The following KCNQ3 variants were observed in gnomAD, a reference collection of about 807,000 sequenced individuals.
The protein encoded by KCNQ3 is potassium voltage-gated channel subfamily KQT member 3.
A neutral mutation model predicts 92.5 loss-of-function variants in KCNQ3; 30 were observed. The ratio of observed to expected loss-of-function variants is 0.32; its 90% CI spans 0.24 to 0.44. KCNQ3 has a LOEUF of 0.44. KCNQ3 is among the 20% of genes least tolerant of loss of function. The pLI is 1.00. For missense variants in KCNQ3, 913 were observed against 1,140.3 expected (o/e 0.80, Z 2.87); for synonymous variants, 450 against 468.8 (o/e 0.96, Z 0.52).
At chr8:132,242,915 G>T (rs1255134412) in intron 1 of KCNQ3, among the ~76,000 whole-genome samples, 1 of 152,182 alleles carries the variant, frequency 6.6e-6, no homozygotes, top group Non-Finnish European at 1.5e-5. Flanking sequence ...GAATAAGGAG[G>T]TAGCTCTGGG....
chr8:132,225,147 T>C (rs934099706), intron 1 of KCNQ3, among the ~76,000 whole-genome samples: 1 of 152,234 alleles, frequency 6.6e-6, no homozygotes, highest in African/African-American at 2.4e-5. Context: ...CTGCACTCTG[T>C]TGGCAGAATA....
At chr8:132,425,441 TG>T (rs1821084569) in intron 1 of KCNQ3, among the ~76,000 whole-genome samples, 2 of 152,194 alleles carry the variant, frequency 1.3e-5, no homozygotes, top group South Asian at 4.1e-4. Context: ...GAGAGGATCT[TG>T]TGAGATAAAG....
intron 1 of KCNQ3, among the ~76,000 whole-genome samples, chr8:132,215,506 C>T (rs1359871301): frequency 1.3e-5 from 2 of 152,202 alleles, no homozygotes; most frequent in Non-Finnish European, 2.9e-5. Flanking sequence ...GAAATGTGTT[C>T]TAAAACCTTG....
chr8:132,407,097 GCA>G (rs1820505084), intron 1 of KCNQ3, among the ~76,000 whole-genome samples: 1 of 152,142 alleles, frequency 6.6e-6, no homozygotes, highest in Non-Finnish European at 1.5e-5. Context: ...AGACATTCCT[GCA>G]CAGACAGGCA....
intron 7 of KCNQ3, among the ~76,000 whole-genome samples, chr8:132,171,957 G>C (rs1422923992): frequency 6.6e-6 from 1 of 151,736 alleles, no homozygotes; most frequent in African/African-American, 2.4e-5. Flanking sequence ...GGAGTTTGAG[G>C]CCAGCCTGGG....
At chr8:132,264,073 A>G (rs1815893754) in intron 1 of KCNQ3, among the ~76,000 whole-genome samples, 1 of 152,212 alleles carries the variant, frequency 6.6e-6, no homozygotes, top group African/African-American at 2.4e-5. Flanking sequence ...ACACTGAGGT[A>G]CAGTCCAGTG....
chr8:132,330,004 G>C (rs1261207100), intron 1 of KCNQ3, among the ~76,000 whole-genome samples: 1 of 152,176 alleles, frequency 6.6e-6, no homozygotes, highest in Non-Finnish European at 1.5e-5. Context: ...TTTGGAAAAG[G>C]GTCTTTGCAG....
At chr8:132,243,557 C>T (rs1417595257) in intron 1 of KCNQ3, among the ~76,000 whole-genome samples, 1 of 152,092 alleles carries the variant, frequency 6.6e-6, no homozygotes, top group Non-Finnish European at 1.5e-5. Context: ...TTTTCTTATC[C>T]CTGTATGAAG....
intron 1 of KCNQ3, among the ~76,000 whole-genome samples, chr8:132,417,888 T>G (rs972807802): frequency 6.6e-6 from 1 of 152,000 alleles, no homozygotes; most frequent in Admixed American, 6.6e-5. Context: ...GCCTTGGAGT[T>G]GAGAGGATGC....
At chr8:132,292,548 T>C (rs971332803) in intron 1 of KCNQ3, among the ~76,000 whole-genome samples, 1 of 152,070 alleles carries the variant, frequency 6.6e-6, no homozygotes, top group Non-Finnish European at 1.5e-5. Context: ...GTTGAATAAA[T>C]GCATGGATGG....
intron 1 of KCNQ3, among the ~76,000 whole-genome samples, chr8:132,327,923 G>A (rs890720901): frequency 6.6e-6 from 1 of 152,194 alleles, no homozygotes; most frequent in African/African-American, 2.4e-5. Flanking sequence ...CCCACTCACA[G>A]AAATTAGGGG....
At chr8:132,468,280 C>T (rs1345815019) in intron 1 of KCNQ3, among the ~76,000 whole-genome samples, 3 of 152,094 alleles carry the variant, frequency 2.0e-5, no homozygotes, top group South Asian at 2.1e-4. Flanking sequence ...ATGAATAGTC[C>T]AATTGGGCTA....
intron 1 of KCNQ3, among the ~76,000 whole-genome samples, chr8:132,478,748 C>A (rs1383541317): frequency 1.3e-5 from 2 of 152,076 alleles, no homozygotes; most frequent in African/African-American, 4.8e-5. Flanking sequence ...CGGGAAGGCA[C>A]CCTCTCCGGG....
At chr8:132,378,032 T>A (rs1014696805) in intron 1 of KCNQ3, among the ~76,000 whole-genome samples, 1 of 152,062 alleles carries the variant, frequency 6.6e-6, no homozygotes, top group Non-Finnish European at 1.5e-5. Flanking sequence ...TTTGAAAAAA[T>A]GACACTTTTT....
At chr8:132,346,105 G>A (rs766670049) in intron 1 of KCNQ3, among the ~76,000 whole-genome samples, 1 of 152,156 alleles carries the variant, frequency 6.6e-6, no homozygotes, top group Admixed American at 6.5e-5. Context: ...TGATGATGGT[G>A]ATAATAATGG....
In KCNQ3 at chr8:132,480,595, G is replaced by A. The variant is rs1372517736; in HGVS notation, c.-63C>T. The A allele has an allele frequency of 1.6e-6, 2 of 1,232,234 alleles. No individual in the cohort carries two copies. The highest frequency in any genetic ancestry group is 2.5e-5 in the Admixed American group (1 of 40,108). 76.3% of individuals were successfully genotyped at this position (1,232,234 alleles called of 1,614,324 possible). A position where few individuals can be genotyped will look rare whatever the true frequency, so the allele number is the denominator to read the frequency against. ...GCTGCTCTGGGAAGAAGGGGCGCTC[G>A]GGGTGCGTGAACGAGGCGGCGGCGG... On this transcript the variant is annotated 5_prime_UTR_variant, in exon 1 of 15. Transcript: ENST00000388996.
chr8:132,402,760 GT>G (rs767963529), intron 1 of KCNQ3, among the ~76,000 whole-genome samples: 51 of 152,210 alleles, frequency 3.4e-4, no homozygotes, highest in Non-Finnish European at 6.5e-4. Flanking sequence ...GCTCATGCCT[GT>G]AATCCCGGCA....
chr8:132,421,340 T>C (rs1346327899), intron 1 of KCNQ3, among the ~76,000 whole-genome samples: 1 of 152,194 alleles, frequency 6.6e-6, no homozygotes, highest in East Asian at 1.9e-4. Flanking sequence ...CATCACAAAT[T>C]GTTCGATAAG....
chr8:132,398,106 A>G (rs1464133708), intron 1 of KCNQ3, among the ~76,000 whole-genome samples: 1 of 152,334 alleles, frequency 6.6e-6, no homozygotes, highest in Middle Eastern at 3.4e-3. Context: ...TTCCATCCAC[A>G]GCAATTTTTT....
Sources: gnomAD v4.1 joint callset for allele counts (sites outside exome capture counted in the v4.1 genomes callset) on GRCh38, gnomAD v4.1.1 for gene constraint, MANE v1.5 for transcripts, NCBI Gene and HGNC (gene_info 2026-07-23, HGNC 2026-07-21) for gene names.